Variants in COBL observed in about 807,000 individuals in gnomAD.
COBL encodes the protein protein cordon-bleu.
In COBL, 51 loss-of-function variants were observed where a neutral mutation model predicts 98.8. The ratio of observed to expected loss-of-function variants is 0.52; its 90% confidence interval spans 0.41 to 0.65. The LOEUF (loss-of-function observed/expected upper bound fraction) is 0.65. Ranked by LOEUF, COBL falls within the 30% of genes least tolerant of loss-of-function variation. The pLI, the probability that COBL is intolerant of heterozygous loss-of-function variation, is 0.00. For missense variants in COBL, 1,617 were observed against 1,617.5 expected (o/e 1.00, Z 0.01); for synonymous variants, 634 against 651.7 (o/e 0.97, Z 0.41).
At chr7:51,017,695 C>A (rs140433942) in intron 12 of COBL, 127 bp from the exon 13 acceptor site, 31 of 958,462 alleles carry the variant, frequency 3.2e-5, no homozygotes, top group South Asian at 1.3e-5. Flanking sequence ...CTTCCCAGTT[C>A]CTTTGACCTG....
intron 1 of COBL, among the ~76,000 whole-genome samples, chr7:51,250,288 T>TA (rs1796620162): frequency 6.6e-6 from 1 of 152,160 alleles, no homozygotes; most frequent in South Asian, 2.1e-4. Context: ...AGGTGGCCTT[T>TA]ACAATTCCCA....
At chr7:51,053,393 G>A (rs1790421192) in intron 7 of COBL, among the ~76,000 whole-genome samples, 2 of 152,332 alleles carry the variant, frequency 1.3e-5, no homozygotes, top group East Asian at 1.9e-4. Flanking sequence ...CAGGGACCCA[G>A]GCTGACCCCG....
intron 6 of COBL, among the ~76,000 whole-genome samples, chr7:51,124,535 G>A (rs574136679): frequency 1.3e-5 from 2 of 152,248 alleles, no homozygotes; most frequent in South Asian, 2.1e-4. Context: ...TCTCTGGGAT[G>A]GGAATTAGAC....
At chr7:51,170,258 A>G (rs982501922) in intron 5 of COBL, among the ~76,000 whole-genome samples, 2 of 151,776 alleles carry the variant, frequency 1.3e-5, no homozygotes, top group African/African-American at 2.4e-5. Flanking sequence ...TCCCCCCACA[A>G]ATTTGATGTG....
At chr7:51,122,843 G>A (rs12719035) in intron 6 of COBL, among the ~76,000 whole-genome samples, 36 of 152,176 alleles carry the variant, frequency 2.4e-4, no homozygotes, top group African/African-American at 8.4e-4. Flanking sequence ...GCAGGGCATG[G>A]TGGCGCATGG....
intron 6 of COBL, among the ~76,000 whole-genome samples, chr7:51,087,404 T>C (rs1248767076): frequency 6.6e-6 from 1 of 152,338 alleles, no homozygotes; most frequent in African/African-American, 2.4e-5. Flanking sequence ...AGCTTTTTTC[T>C]TTAATTGCAT....
intron 7 of COBL, among the ~76,000 whole-genome samples, chr7:51,060,807 G>C (rs1460593437): frequency 6.6e-6 from 1 of 152,152 alleles, no homozygotes; most frequent in East Asian, 1.9e-4. Flanking sequence ...ATGCCACATG[G>C]TCAGTCTGGG....
At chr7:51,245,141 C>G (rs1377760648) in intron 1 of COBL, among the ~76,000 whole-genome samples, 2 of 152,136 alleles carry the variant, frequency 1.3e-5, no homozygotes, top group African/African-American at 4.8e-5. Context: ...CGGACCTGAT[C>G]AGTTGCCTCT....
intron 5 of COBL, among the ~76,000 whole-genome samples, chr7:51,153,542 G>C (rs1785782941): frequency 6.6e-6 from 1 of 152,196 alleles, no homozygotes; most frequent in Non-Finnish European, 1.5e-5. Context: ...ACTGCTATTT[G>C]CTGTGAACAG....
chr7:51,088,457 A>T (rs1794498844), intron 6 of COBL, among the ~76,000 whole-genome samples: 1 of 150,234 alleles, frequency 6.7e-6, no homozygotes, highest in African/African-American at 2.5e-5. Context: ...TATGTATTTT[A>T]AAAATAGCAT....
chr7:51,307,174 G>A (rs772606230), intron 1 of COBL, among the ~76,000 whole-genome samples: 4 of 151,910 alleles, frequency 2.6e-5, no homozygotes, highest in South Asian at 2.1e-4. Flanking sequence ...GTGAAACCCC[G>A]GCTCTACTAA....
chr7:51,041,984 C>T (rs1217191169), intron 8 of COBL, among the ~76,000 whole-genome samples: 1 of 152,140 alleles, frequency 6.6e-6, no homozygotes, highest in Non-Finnish European at 1.5e-5. Context: ...TGGAACAGAA[C>T]AACGTGCACA....
At position 51,308,580 on chromosome 7, in the gene COBL, CGCAGAGCACTTA is replaced by C. The variant is rs1802706530; in HGVS notation, c.41+8001_41+8012del. On this transcript the variant is annotated intron_variant, in intron 1 of 12. Coordinates refer to ENST00000265136, the MANE Select transcript of COBL (RefSeq NM_015198.5). ...TCCAGCTCTATGAGTCCTTAAGCCACGCAGAGCACTTAGCAGAGCACTTATGATAAGACAACG... is the reference window on the plus strand; with the variant it reads ...TCCAGCTCTATGAGTCCTTAAGCCACGCAGAGCACTTATGATAAGACAACG... Among the ~76,000 whole-genome samples, 4 of 152,182 alleles carry C rather than the reference CGCAGAGCACTTA, an allele frequency of 2.6e-5. No individual in the cohort carries two copies. The South Asian group carries it at 8.3e-4, about 31-fold the overall frequency.
At chr7:51,135,602 T>TA (rs1210504935) in intron 6 of COBL, among the ~76,000 whole-genome samples, 1 of 152,202 alleles carries the variant, frequency 6.6e-6, no homozygotes, top group Non-Finnish European at 1.5e-5. Flanking sequence ...GGCACAGACT[T>TA]AGTTTTTAGG....
intron 2 of COBL, among the ~76,000 whole-genome samples, chr7:51,217,317 C>T (rs1193806973): frequency 6.6e-6 from 1 of 151,068 alleles, no homozygotes; most frequent in Admixed American, 6.6e-5. Context: ...ACATGATCCA[C>T]AATGCCATTT....
intron 6 of COBL, among the ~76,000 whole-genome samples, chr7:51,123,692 C>T (rs1167489833): frequency 6.6e-6 from 1 of 152,204 alleles, no homozygotes; most frequent in East Asian, 1.9e-4. Flanking sequence ...TGATTCTCAA[C>T]CAGCAAATGC....
chr7:51,027,975 C>T lies in COBL; in HGVS notation c.3121G>A (p.Val1041Met), dbSNP rs1375963649. The T allele has an allele frequency of 6.2e-7, 1 of 1,606,174 alleles. No individual in the cohort carries two copies. Among genetic ancestry groups the T allele is most frequent in the Non-Finnish European group, 8.5e-7 (1 of 1,175,680 alleles). ...GGCTCGCCGTGGCCTGGGGCGCGCA[C>T]AGAGCCATTGACCAGCTCCCTGCTG... ...ACSRELVNGS[V>M]RAPGHGEPSH... Residue 1041 changes from valine (V) to methionine (M), a missense_variant, in exon 10 of 13, where the codon GTG becomes ATG. Transcript: ENST00000265136.
Position 51,029,043 on chromosome 7 carries a change from G to C in COBL, c.2053C>G (p.Pro685Ala). The C allele has an allele frequency of 6.2e-7, 1 of 1,614,180 alleles. No individual in the cohort carries two copies. The highest frequency in any genetic ancestry group is 8.5e-7 in the Non-Finnish European group (1 of 1,180,028). ...DSNDKNAALA[P>A]TSWHQRGQNP... is the part of the protein sequence containing the mutation. ...TGGCCTCGTTGGTGCCATGATGTTG[G>C]TGCCAAGGCAGCGTTTTTATCGTTG... Residue 685 changes from proline (P) to alanine (A), a missense_variant, in exon 10 of 13, where the codon CCA (proline) becomes GCA (alanine). Transcript: ENST00000265136.
intron 2 of COBL, among the ~76,000 whole-genome samples, chr7:51,203,416 C>T (rs533220712): frequency 5.6e-5 from 6 of 106,276 alleles, no homozygotes; most frequent in East Asian, 5.0e-4. Flanking sequence ...GAGCCGAGAT[C>T]GCGCCACTGC....
Sources: allele counts gnomAD v4.1 joint callset (sites outside exome capture counted in the v4.1 genomes callset), GRCh38; gene constraint gnomAD v4.1.1; transcripts MANE v1.5; gene names NCBI Gene and HGNC (gene_info 2026-07-23, HGNC 2026-07-21).